Variants in LRP1 observed in about 807,000 individuals in gnomAD.
LRP1 encodes the protein LDL receptor related protein 1, also known as prolow-density lipoprotein receptor-related protein 1.
A neutral mutation model predicts 541.5 loss-of-function variants in LRP1; 51 were observed. That is an observed-to-expected ratio of 0.09 (90% CI 0.08 to 0.12). LRP1 has a LOEUF of 0.12. LRP1 is among the 10% of genes least tolerant of loss of function. The probability of loss-of-function intolerance (pLI) is 1.00; values close to 1 mark genes in which losing one functional copy is unlikely to be tolerated. For missense variants in LRP1, 3,878 were observed against 6,376.2 expected (o/e 0.61, Z 13.34); for synonymous variants, 2,219 against 2,470.8 (o/e 0.90, Z 3.02).
chr12:57,205,659 A>T lies in LRP1; in HGVS notation c.11572A>T (p.Asn3858Tyr). The T allele has an allele frequency of 6.2e-7, 1 of 1,612,348 alleles. No homozygotes were observed. Among genetic ancestry groups the T allele is most frequent in the Non-Finnish European group, 8.5e-7 (1 of 1,180,012 alleles). Reference sequence around the variant, plus strand: ...CGCTCGGAACTTCATGAAGACGCACAACACCTGCAAGGCCGAAGGTGCCGG... The same window carrying T: ...CGCTCGGAACTTCATGAAGACGCACTACACCTGCAAGGCCGAAGGTGCCGG... ...SCARNFMKTH[N>Y]TCKAEGSEYQ... Residue 3858 changes from asparagine (N) to tyrosine (Y), a missense_variant, in exon 75 of 89, where the codon AAC (asparagine) becomes TAC (tyrosine). Asn to Tyr is a moderately radical substitution (Grantham distance 143). Coordinates refer to ENST00000243077, the MANE Select transcript of LRP1 (RefSeq NM_002332.3). This position sits in a 1 kb window ranked among gnomAD's most constrained non-coding sequence, Gnocchi z 4.6.
intron 3 of LRP1, among the ~76,000 whole-genome samples, chr12:57,142,332 A>AG (rs1256083737): frequency 6.6e-6 from 1 of 151,894 alleles, no homozygotes; most frequent in East Asian, 1.9e-4. Context: ...GCCCTAGGGG[A>AG]GGGGCTGTGC....
rs991714241 is a variant in LRP1 at position 57,156,942 on chromosome 12, G to A, written c.1561+22G>A. Reference sequence around the variant, plus strand: ...AAGAGTGAGTGACAGGGAAGGGGGTGTGTGCCCATTGGGAGGCTGCGGGAG... The same window carrying A: ...AAGAGTGAGTGACAGGGAAGGGGGTATGTGCCCATTGGGAGGCTGCGGGAG... On this transcript the variant is annotated intron_variant, in intron 10 of 88. Transcript: ENST00000243077. The surrounding 1 kb of genome is among the most constrained non-coding windows in gnomAD (Gnocchi z 5.2). 1 of 1,549,754 alleles carries A rather than the reference G, an allele frequency of 6.5e-7. No individual in the cohort carries two copies.
intron 44 of LRP1, 79 bp from the exon 45 acceptor site, chr12:57,192,766 G>C: frequency 6.3e-7 from 1 of 1,584,966 alleles, no homozygotes; most frequent in Non-Finnish European, 8.6e-7. Context: ...CATGAAGTCA[G>C]TGAATGGGTG....
chr12:57,135,587 CT>C (rs2035142193), intron 1 of LRP1, among the ~76,000 whole-genome samples: 1 of 152,204 alleles, frequency 6.6e-6, no homozygotes, highest in African/African-American at 2.4e-5. Context: ...AACACCAGCC[CT>C]GACAGGAAGT....
chr12:57,211,503 G>A lies in LRP1; in HGVS notation c.13108G>A (p.Val4370Met), dbSNP rs1481480384. The change falls in exon 85 of 89, where the codon GTG becomes ATG. Residue 4370 changes from valine to methionine, a missense_variant. Coordinates refer to ENST00000243077, the MANE Select transcript of LRP1 (RefSeq NM_002332.3). This position sits in a 1 kb window ranked among gnomAD's most constrained non-coding sequence, Gnocchi z 4.3. ...DVTCNCTDGR[V>M]APSCLTCVGH... ...TTCCTGCAGCTGCACGGATGGCCGG[G>A]TGGCCCCCAGCTGTCTGACCTGCGT... The A allele has an allele frequency of 3.1e-6, 5 of 1,613,790 alleles. No individual in the cohort carries two copies. The highest frequency in any genetic ancestry group is 1.1e-5 in the South Asian group (1 of 91,094).
At position 57,180,760 on chromosome 12, in the gene LRP1, C is replaced by T; in HGVS notation, c.5480C>T (p.Thr1827Ile). Residue 1827 changes from threonine to isoleucine, a missense_variant, in exon 33 of 89, where the codon ACC becomes ATC. Thr to Ile is a moderately conservative substitution (Grantham distance 89). This residue lies in a region of LRP1 where 394 missense variants were observed against 635.9 expected (regional missense o/e 0.62). Coordinates refer to ENST00000243077, the MANE Select transcript of LRP1 (RefSeq NM_002332.3). ...GSGSVVLRNS[T>I]TLVMHMKVYD... ...GGCTCCGTGGTCCTTCGGAACAGCACCACCCTGGTGATGCACATGAAGGTC... is the reference window on the plus strand; with the variant it reads ...GGCTCCGTGGTCCTTCGGAACAGCATCACCCTGGTGATGCACATGAAGGTC... 1.2e-6 allele frequency: 2 copies of T among 1,614,068 alleles called. No individual in the cohort carries two copies. Among genetic ancestry groups the T allele is most frequent in the Non-Finnish European group, 8.5e-7 (1 of 1,179,960 alleles).
intron 79 of LRP1, 42 bp from the exon 80 acceptor site, chr12:57,209,650 G>C: frequency 6.3e-7 from 1 of 1,581,590 alleles, no homozygotes; most frequent in Non-Finnish European, 8.7e-7. Context: ...GCCAGGGCCT[G>C]AGTGCCCCTC....
At position 57,211,058 on chromosome 12, in the gene LRP1, C is replaced by G; in HGVS notation, c.12917-118C>G. On this transcript the variant is annotated intron_variant, in intron 83 of 88. Coordinates refer to ENST00000243077, the MANE Select transcript of LRP1 (RefSeq NM_002332.3). This position sits in a 1 kb window ranked among gnomAD's most constrained non-coding sequence, Gnocchi z 4.3. ...TCCCCACAAAGGTGCTGGCACACTTCCCCTGAGGCAGTGCACCCCCTGCAC... is the reference window on the plus strand; with the variant it reads ...TCCCCACAAAGGTGCTGGCACACTTGCCCTGAGGCAGTGCACCCCCTGCAC... 1.4e-6 allele frequency: 2 copies of G among 1,387,908 alleles called. No individual in the cohort carries two copies. Among genetic ancestry groups the G allele is most frequent in the Non-Finnish European group, 2.0e-6 (2 of 1,011,482 alleles). The allele number at this position is 1,387,908 out of a possible 1,614,324, so 86.0% of individuals were successfully genotyped here.
At chr12:57,180,941 T>G in intron 33 of LRP1, 134 bp downstream of exon 33, 1 of 1,331,194 alleles carries the variant, frequency 7.5e-7, no homozygotes, top group Non-Finnish European at 1.0e-6. Context: ...GGCTCCTTGT[T>G]TCCTTACCAC....
intron 17 of LRP1, chr12:57,166,472 G>A (rs1302545909): frequency 4.4e-6 from 2 of 451,932 alleles, no homozygotes; most frequent in Non-Finnish European, 7.9e-6. Context: ...GAGGTGGGAG[G>A]ATCACTTGAG....
In LRP1 at chr12:57,162,084, T is replaced by C. The variant is rs1429031500; in HGVS notation, c.2203-233T>C. On this transcript the variant is annotated intron_variant, in intron 13 of 88. Coordinates refer to ENST00000243077, the MANE Select transcript of LRP1 (RefSeq NM_002332.3). This position sits in a 1 kb window ranked among gnomAD's most constrained non-coding sequence, Gnocchi z 5.2. ...TAGGAATGAGCCCAGGAGAGGACCA[T>C]ATGGACAACCTCACCATCAGCATCC... Among the ~76,000 whole-genome samples the C allele has an allele frequency of 1.3e-5, 2 of 151,988 alleles. No individual in the cohort carries two copies. The highest frequency in any genetic ancestry group is 2.4e-5 in the African/African-American group (1 of 41,364).
rs751383062 is a variant in LRP1, at chr12:57,143,672, C to G, written c.329-7C>G. ...CCTGAATATGTGTCTCTCCTGCCCCCACACAGAGCTCCAAGGCAACTGCTC... is the reference window on the plus strand; with the variant it reads ...CCTGAATATGTGTCTCTCCTGCCCCGACACAGAGCTCCAAGGCAACTGCTC... On this transcript the variant is annotated splice_region_variant and splice_polypyrimidine_tract_variant and intron_variant, in intron 3 of 88. Coordinates refer to ENST00000243077, the MANE Select transcript of LRP1 (RefSeq NM_002332.3). 15 of 1,612,090 alleles carry G rather than the reference C, an allele frequency of 9.3e-6. No homozygotes were observed. The highest frequency in any genetic ancestry group is 1.3e-5 in the African/African-American group (1 of 74,926).
chr12:57,201,629 C>T lies in LRP1; in HGVS notation c.10468+10C>T. ...GAGCCCGCCAACTGCAGTGAGTTGC[C>T]TGGCCTGGAGCCCAGCTTCCCTCCC... On this transcript the variant is annotated intron_variant, in intron 66 of 88. Transcript: ENST00000243077. The surrounding 1 kb of genome is among the most constrained non-coding windows in gnomAD (Gnocchi z 6.4). 1.2e-6 allele frequency: 2 copies of T among 1,609,752 alleles called. No homozygotes were observed. The highest frequency in any genetic ancestry group is 1.1e-5 in the South Asian group (1 of 90,922).
intron 10 of LRP1, among the ~76,000 whole-genome samples, chr12:57,157,824 C>T (rs760344906): frequency 7.2e-5 from 11 of 152,108 alleles, no homozygotes; most frequent in East Asian, 1.9e-4. Flanking sequence ...AGGAACAGCA[C>T]GAAGGCCAGC....
intron 60 of LRP1, 118 bp downstream of exon 60, chr12:57,198,788 T>A: frequency 1.0e-6 from 1 of 998,922 alleles, no homozygotes; most frequent in Non-Finnish European, 1.5e-6. Context: ...GGATATGGCC[T>A]GAGGACACCA....
chr12:57,178,937 C>T lies in LRP1; in HGVS notation c.4654C>T (p.Leu1552=), dbSNP rs1330524447. 6.2e-7 allele frequency: 1 copy of T among 1,614,102 alleles called. No homozygotes were observed. Among genetic ancestry groups the T allele is most frequent in the Admixed American group, 1.7e-5 (1 of 60,024 alleles). The change falls in exon 28 of 89, where the codon CTG becomes TTG. Residue 1552 remains leucine (L), a synonymous_variant. Transcript: ENST00000243077. The surrounding 1 kb of genome is among the most constrained non-coding windows in gnomAD (Gnocchi z 5.8). The part of the protein sequence containing the change: ...ANGGQGPCSH[L]CLINYNRTVS... ...TGGGGGCCAGGGCCCCTGCTCCCAC[C>T]TGTGTCTCATCAACTACAACCGGAC...
At chr12:57,130,862 C>T (rs916952349) in intron 1 of LRP1, among the ~76,000 whole-genome samples, 1 of 152,174 alleles carries the variant, frequency 6.6e-6, no homozygotes, top group Non-Finnish European at 1.5e-5. Flanking sequence ...CACGCCCCCT[C>T]TGTATCTCCA....
Position 57,144,982 on chromosome 12 carries a change from G to A in LRP1, c.459G>A (p.Glu153=), listed in dbSNP as rs769277080. The A allele has an allele frequency of 2.4e-5, 39 of 1,613,912 alleles. No individual in the cohort carries two copies. In the East Asian group the frequency reaches 8.7e-4, roughly 36 times the overall value. The part of the protein sequence containing the change: ...ADGKTCKDFD[E]CSVYGTCSQL... ...CCCTTTCCTCGGCAGATTTTGATGA[G>A]TGCTCAGTGTACGGCACCTGCAGCC... The change falls in exon 5 of 89, where the codon GAG becomes GAA. Residue 153 remains glutamate (E), a synonymous_variant. Transcript: ENST00000243077.
intron 77 of LRP1, 96 bp downstream of exon 77, chr12:57,208,312 C>T: frequency 7.5e-7 from 1 of 1,330,368 alleles, no homozygotes; most frequent in South Asian, 1.4e-5. Flanking sequence ...CCTTCCCTCC[C>T]AGGCCAGCCT....
Sources: allele counts gnomAD v4.1 joint callset (sites outside exome capture counted in the v4.1 genomes callset), GRCh38; gene constraint gnomAD v4.1.1; regional missense constraint gnomAD v4.1.1; non-coding constraint Gnocchi (gnomAD v3.1); transcripts MANE v1.5; gene names NCBI Gene and HGNC (gene_info 2026-07-23, HGNC 2026-07-21).